The following MYT1L variants were observed in gnomAD, a reference collection of about 807,000 sequenced individuals.
The protein encoded by MYT1L is myelin transcription factor 1 like.
MYT1L carries 12 observed loss-of-function variants against 126.7 expected under a neutral mutation model. The observed-to-expected ratio is 0.09, with a 90% confidence interval of 0.06 to 0.15. The LOEUF is 0.15. Ranked by LOEUF, MYT1L falls within the 10% of genes least tolerant of loss-of-function variation. The pLI, the probability that MYT1L is intolerant of heterozygous loss-of-function variation, is 1.00. For missense variants in MYT1L, 979 were observed against 1,585.2 expected, an observed-to-expected ratio of 0.62 and a Z score of 6.49; for synonymous variants, 541 against 604.2, an observed-to-expected ratio of 0.90 and a Z score of 1.53.
intron 4 of MYT1L, among the ~76,000 whole-genome samples, chr2:2,006,448 G>C (rs1018574237): frequency 6.6e-6 from 1 of 151,948 alleles, no homozygotes; most frequent in Non-Finnish European, 1.5e-5. Context: ...TTTCATATTG[G>C]GCATTAGATC....
In MYT1L at chr2:1,998,772, A is replaced by T. The variant is rs2062097655; in HGVS notation, c.-157-1425T>A. ...ATAACTCCCCTAAACATTACCATGAACTCTGAACTATCTTACAGAATCCTC... is the reference window on the plus strand; with the variant it reads ...ATAACTCCCCTAAACATTACCATGATCTCTGAACTATCTTACAGAATCCTC... On this transcript the variant is annotated intron_variant, in intron 4 of 24. Coordinates refer to ENST00000647738, the MANE Select transcript of MYT1L (RefSeq NM_001303052.2). Among the ~76,000 whole-genome samples the T allele has an allele frequency of 2.0e-5, 3 of 152,128 alleles. No individual in the cohort carries two copies. In the South Asian group the frequency reaches 6.2e-4, roughly 32 times the overall value.
At position 1,844,947 on chromosome 2, in the gene MYT1L, G is replaced by T. The variant is rs559701226; in HGVS notation, c.2775-4104C>A. On this transcript the variant is annotated intron_variant, in intron 19 of 24. Coordinates refer to ENST00000647738, the MANE Select transcript of MYT1L (RefSeq NM_001303052.2). ...GCTCTGCTCAGGGCTCACATCCACA[G>T]TTCATTTCTTAGGATTTGGATCCAT... Among the ~76,000 whole-genome samples the T allele has an allele frequency of 1.5e-4, 23 of 149,930 alleles. No homozygotes were observed. The South Asian group carries it at 4.9e-3, about 32-fold the overall frequency.
intron 3 of MYT1L, among the ~76,000 whole-genome samples, chr2:2,150,315 T>A (rs2085546914): frequency 6.6e-6 from 1 of 152,210 alleles, no homozygotes; most frequent in African/African-American, 2.4e-5. Flanking sequence ...TCTTCACATG[T>A]ATGGGCAATA....
chr2:2,219,434 A>T (rs1472442762), intron 2 of MYT1L, among the ~76,000 whole-genome samples: 1 of 152,246 alleles, frequency 6.6e-6, no homozygotes, highest in Non-Finnish European at 1.5e-5. Context: ...AACTTCTCTT[A>T]GAAGCAAAAT....
intron 2 of MYT1L, among the ~76,000 whole-genome samples, chr2:2,265,752 A>C (rs2095111469): frequency 6.6e-6 from 1 of 152,198 alleles, no homozygotes; most frequent in Admixed American, 6.5e-5. Flanking sequence ...CAATAATCCA[A>C]ATACATGAAG....
chr2:2,137,359 C>T (rs1244148636), intron 3 of MYT1L, among the ~76,000 whole-genome samples: 2 of 152,074 alleles, frequency 1.3e-5, no homozygotes, highest in Non-Finnish European at 2.9e-5. Context: ...CATATGGAAC[C>T]AAAAAAGAGC....
chr2:2,170,926 G>C (rs1185319479), intron 3 of MYT1L, among the ~76,000 whole-genome samples: 1 of 152,186 alleles, frequency 6.6e-6, no homozygotes, highest in Non-Finnish European at 1.5e-5. Context: ...AGTGAGGACT[G>C]AGTGGAAAGA....
intron 3 of MYT1L, among the ~76,000 whole-genome samples, chr2:2,097,871 C>A (rs1187454409): frequency 6.6e-6 from 1 of 152,156 alleles, no homozygotes; most frequent in African/African-American, 2.4e-5. Flanking sequence ...GATTGTATCA[C>A]TGGGGCAGAA....
In MYT1L at chr2:2,279,568, TGAAGGAAGGAAG is replaced by T. The variant is rs199817306; in HGVS notation, c.-421+4824_-421+4835del. Among the ~76,000 whole-genome samples the T allele has an allele frequency of 2.4e-3, 354 of 145,092 alleles. 5 individuals are homozygous for T. The highest frequency in any genetic ancestry group is 0.016 in the East Asian group (78 of 4,880). ...GAGAAAGAGAGAAGGAATGAATGAATGAAGGAAGGAAGGAAGGAAGGAAGGAAGGAAGGAAGG... is the reference window on the plus strand; with the variant it reads ...GAGAAAGAGAGAAGGAATGAATGAATGAAGGAAGGAAGGAAGGAAGGAAGG... On this transcript the variant is annotated intron_variant, in intron 2 of 24. Transcript: ENST00000647738.
intron 1 of MYT1L, among the ~76,000 whole-genome samples, chr2:2,287,995 C>T (rs905670011): frequency 1.3e-5 from 2 of 152,206 alleles, no homozygotes; most frequent in African/African-American, 4.8e-5. Flanking sequence ...AATATTTACT[C>T]ACCCCCTTTT....
intron 4 of MYT1L, among the ~76,000 whole-genome samples, chr2:2,013,893 T>C (rs1347684432): frequency 3.3e-5 from 5 of 152,206 alleles, no homozygotes; most frequent in African/African-American, 9.6e-5. Flanking sequence ...TTTAAGGTCA[T>C]AGGTGGAGTC....
At chr2:2,121,249 G>A (rs2080961458) in intron 3 of MYT1L, among the ~76,000 whole-genome samples, 1 of 152,198 alleles carries the variant, frequency 6.6e-6, no homozygotes. Flanking sequence ...TCGGCTCACT[G>A]CAAACTCCAC....
At chr2:2,015,945 T>C (rs938443102) in intron 4 of MYT1L, among the ~76,000 whole-genome samples, 13 of 152,140 alleles carry the variant, frequency 8.5e-5, no homozygotes, top group African/African-American at 3.1e-4. Flanking sequence ...CTCGCTGCAA[T>C]CATGGTACAG....
intron 18 of MYT1L, among the ~76,000 whole-genome samples, chr2:1,880,174 C>A (rs1573158963): frequency 6.6e-6 from 1 of 152,124 alleles, no homozygotes; most frequent in Admixed American, 6.5e-5. Context: ...TCAATTTGGT[C>A]AAGAAGCCGG....
chr2:2,308,362 T>C (rs112872310), intron 1 of MYT1L, among the ~76,000 whole-genome samples: 5,127 of 140,430 alleles, frequency 0.037, 165 homozygotes, highest in South Asian at 0.12. Flanking sequence ...TTCACCTACA[T>C]TTCAGTATAT....
At chr2:2,298,956 G>C (rs892918792) in intron 1 of MYT1L, among the ~76,000 whole-genome samples, 2 of 152,126 alleles carry the variant, frequency 1.3e-5, no homozygotes, top group African/African-American at 4.8e-5. Flanking sequence ...AGGTTCAAGT[G>C]CTTCTCCTGC....
intron 3 of MYT1L, among the ~76,000 whole-genome samples, chr2:2,088,253 G>C (rs2076553957): frequency 6.6e-6 from 1 of 152,226 alleles, no homozygotes; most frequent in African/African-American, 2.4e-5. Flanking sequence ...GCTTTCTCTA[G>C]AAGACGGAAA....
At chr2:2,095,491 G>A (rs2077348385) in intron 3 of MYT1L, among the ~76,000 whole-genome samples, 1 of 152,182 alleles carries the variant, frequency 6.6e-6, no homozygotes, top group Admixed American at 6.5e-5. Context: ...GCTTGGGTTG[G>A]AGACACCCCA....
intron 3 of MYT1L, among the ~76,000 whole-genome samples, chr2:2,069,092 C>T (rs1224286821): frequency 6.6e-6 from 1 of 151,796 alleles, no homozygotes; most frequent in African/African-American, 2.4e-5. Context: ...TTTTATTATA[C>T]TTTAAGTTCT....
Sources: gnomAD v4.1 joint callset for allele counts (sites outside exome capture counted in the v4.1 genomes callset) on GRCh38, gnomAD v4.1.1 for gene constraint, MANE v1.5 for transcripts, NCBI Gene and HGNC (gene_info 2026-07-23, HGNC 2026-07-21) for gene names.